Variants in DDC observed in about 807,000 individuals in gnomAD.
DDC encodes aromatic-L-amino-acid decarboxylase.
In DDC, 43 loss-of-function variants were observed where a neutral mutation model predicts 60.0. The ratio of observed to expected loss-of-function variants is 0.72; its 90% CI spans 0.56 to 0.92. The LOEUF is 0.92. DDC is among the 40% of genes least tolerant of loss of function. The pLI, the probability that DDC is intolerant of heterozygous loss-of-function variation, is 0.00. For missense variants in DDC, 573 were observed against 620.2 expected, an observed-to-expected ratio of 0.92 and a Z score of 0.81; for synonymous variants, 232 against 234.6, an observed-to-expected ratio of 0.99 and a Z score of 0.10.
At chr7:50,483,839 G>A (rs917742487) in intron 9 of DDC, among the ~76,000 whole-genome samples, 1 of 151,348 alleles carries the variant, frequency 6.6e-6, no homozygotes, top group Non-Finnish European at 1.5e-5. Context: ...GGGAGGTGGA[G>A]CTTGCAGTGA....
At chr7:50,560,244 G>A (rs183151299) in intron 1 of DDC, among the ~76,000 whole-genome samples, 1 of 152,282 alleles carries the variant, frequency 6.6e-6, no homozygotes, top group Non-Finnish European at 1.5e-5. Context: ...ATCTGAATGA[G>A]AAATTTTCGC....
intron 6 of DDC, 90 bp from the exon 7 acceptor site, chr7:50,504,149 A>T: frequency 1.1e-6 from 1 of 890,058 alleles, no homozygotes; most frequent in Admixed American, 1.8e-5. Context: ...CCATGGTCCA[A>T]CCTGGGGCCA....
chr7:50,561,878 C>T (rs1188924407), intron 1 of DDC, among the ~76,000 whole-genome samples: 2 of 151,974 alleles, frequency 1.3e-5, no homozygotes, highest in African/African-American at 2.4e-5. Context: ...ACCATGCACA[C>T]TTATGCATGC....
intron 8 of DDC, among the ~76,000 whole-genome samples, chr7:50,496,529 A>G (rs1053587982): frequency 6.6e-5 from 10 of 152,220 alleles, no homozygotes; most frequent in African/African-American, 2.4e-4. Flanking sequence ...CAAGGAGAAA[A>G]TAAGAGGTTT....
intron 4 of DDC, among the ~76,000 whole-genome samples, chr7:50,531,534 T>C (rs539687270): frequency 1.3e-5 from 2 of 151,954 alleles, no homozygotes; most frequent in Non-Finnish European, 2.9e-5. Context: ...TGAGTCACCA[T>C]GAATCACCTG....
intron 6 of DDC, among the ~76,000 whole-genome samples, chr7:50,513,801 C>T (rs868529878): frequency 4.3e-4 from 66 of 152,202 alleles, no homozygotes; most frequent in African/African-American, 1.5e-3. Flanking sequence ...CCCCATCCCC[C>T]ACAGCAGCCG....
intron 1 of DDC, among the ~76,000 whole-genome samples, chr7:50,557,530 T>A (rs774476703): frequency 6.6e-6 from 1 of 152,224 alleles, no homozygotes; most frequent in Non-Finnish European, 1.5e-5. Context: ...GATCCTTTTT[T>A]CACTTGACAT....
At chr7:50,544,888 T>A (rs2044750498) in intron 1 of DDC, among the ~76,000 whole-genome samples, 1 of 152,244 alleles carries the variant, frequency 6.6e-6, no homozygotes, top group Non-Finnish European at 1.5e-5. Context: ...CATGTGTTTT[T>A]AAGAGACACT....
chr7:50,468,445 G>T (rs1295212000), intron 12 of DDC, among the ~76,000 whole-genome samples: 2 of 152,190 alleles, frequency 1.3e-5, no homozygotes, highest in Non-Finnish European at 2.9e-5. Flanking sequence ...CCCCAAAAAA[G>T]CTGAATTCGT....
At chr7:50,492,424 A>G (rs1203593133) in intron 9 of DDC, among the ~76,000 whole-genome samples, 1 of 152,042 alleles carries the variant, frequency 6.6e-6, no homozygotes, top group African/African-American at 2.4e-5. Context: ...AAATTCTTTG[A>G]CTCTTGTTCT....
chr7:50,475,843 C>T (rs557202799), intron 11 of DDC, among the ~76,000 whole-genome samples: 27 of 152,264 alleles, frequency 1.8e-4, no homozygotes, highest in African/African-American at 6.5e-4. Context: ...GTGCCTGCCA[C>T]CACACCCAGC....
intron 1 of DDC, among the ~76,000 whole-genome samples, chr7:50,551,693 C>G (rs1359862752): frequency 6.6e-6 from 1 of 152,124 alleles, no homozygotes; most frequent in East Asian, 1.9e-4. Context: ...AATAATTCTA[C>G]TCTTACGTCT....
intron 6 of DDC, among the ~76,000 whole-genome samples, chr7:50,512,864 C>T (rs2043618742): frequency 6.6e-6 from 1 of 152,104 alleles, no homozygotes; most frequent in African/African-American, 2.4e-5. Flanking sequence ...AAGACTAACA[C>T]CTATGTAGGG....
chr7:50,501,337 C>T (rs1434262180), intron 7 of DDC, among the ~76,000 whole-genome samples: 2 of 152,204 alleles, frequency 1.3e-5, no homozygotes, highest in East Asian at 1.9e-4. Flanking sequence ...CCCATACCCT[C>T]GTCCTCAGTT....
At chr7:50,557,045 A>G (rs567342690) in intron 1 of DDC, among the ~76,000 whole-genome samples, 1 of 152,266 alleles carries the variant, frequency 6.6e-6, no homozygotes, top group African/African-American at 2.4e-5. Flanking sequence ...GTGTCTAGCA[A>G]TTATTATTAT....
At chr7:50,479,427 G>A (rs1211076448) in intron 10 of DDC, among the ~76,000 whole-genome samples, 2 of 152,216 alleles carry the variant, frequency 1.3e-5, no homozygotes, top group East Asian at 3.8e-4. Flanking sequence ...GTGATGCAAA[G>A]CCTTTTTGTA....
chr7:50,542,871 A>G (rs3807555), intron 2 of DDC: 34,174 of 152,226 alleles, frequency 0.22, 3,995 homozygotes, highest in East Asian at 0.39. Flanking sequence ...CCTGAGGTCC[A>G]GGGCCTGAGG....
At chr7:50,522,926 G>T (rs1307217466) in intron 6 of DDC, among the ~76,000 whole-genome samples, 2 of 152,136 alleles carry the variant, frequency 1.3e-5, no homozygotes, top group Non-Finnish European at 2.9e-5. Flanking sequence ...AGGGAGAGGT[G>T]CTACACACTG....
intron 12 of DDC, 29 bp downstream of exon 12, chr7:50,470,044 A>G (rs764874583): frequency 1.5e-5 from 22 of 1,420,988 alleles, no homozygotes; most frequent in Admixed American, 1.7e-5. Flanking sequence ...CCGCAATTTT[A>G]CCGTGATAAA....
Sources: gnomAD v4.1 joint callset for allele counts (sites outside exome capture counted in the v4.1 genomes callset) on GRCh38, gnomAD v4.1.1 for gene constraint, MANE v1.5 for transcripts, NCBI Gene and HGNC (gene_info 2026-07-23, HGNC 2026-07-21) for gene names.